VPS8: variants seen among roughly 807,000 people sequenced by gnomAD.
The protein encoded by VPS8 is VPS8 subunit of CORVET complex.
A neutral mutation model predicts 216.4 loss-of-function variants in VPS8; 129 were observed. The ratio of observed to expected loss-of-function variants is 0.60; its 90% CI spans 0.52 to 0.69. The LOEUF (loss-of-function observed/expected upper bound fraction) is 0.69. VPS8 is among the 30% of genes least tolerant of loss of function. The pLI, the probability that VPS8 is intolerant of heterozygous loss-of-function variation, is 0.00. For synonymous variants in VPS8, 571 were observed against 565.4 expected (o/e 1.01, Z -0.14); for missense variants, 1,531 against 1,683.5 (o/e 0.91, Z 1.59).
chr3:184,901,833 A>G (rs1041544623), intron 25 of VPS8, among the ~76,000 whole-genome samples: 7 of 152,058 alleles, frequency 4.6e-5, no homozygotes, highest in Admixed American at 1.3e-4. Flanking sequence ...TTGTATGGTA[A>G]ATATATATTT....
intron 36 of VPS8, among the ~76,000 whole-genome samples, chr3:184,953,202 A>C (rs1004681948): frequency 6.6e-6 from 1 of 152,192 alleles, no homozygotes; most frequent in South Asian, 2.1e-4. Flanking sequence ...CCAAGCAAGG[A>C]GAATTGGCAG....
chr3:184,882,266 G>A, intron 21 of VPS8: 1 of 398,142 alleles, frequency 2.5e-6, no homozygotes, highest in South Asian at 1.9e-5. Context: ...GTTTTTCTAA[G>A]AGGGTTTTCA....
chr3:184,934,916 A>G (rs1214438549), intron 34 of VPS8, among the ~76,000 whole-genome samples: 1 of 152,230 alleles, frequency 6.6e-6, no homozygotes, highest in Non-Finnish European at 1.5e-5. Flanking sequence ...GGTTTAGTTA[A>G]GGCTGGAATT....
At chr3:184,903,615 TA>T (rs530620639) in intron 25 of VPS8, among the ~76,000 whole-genome samples, 27 of 147,412 alleles carry the variant, frequency 1.8e-4, no homozygotes, top group South Asian at 2.1e-4. Context: ...CCTGCTGAAT[TA>T]AAAAAAAAAA....
At chr3:185,051,545 C>T (rs1031465684) in intron 47 of VPS8, among the ~76,000 whole-genome samples, 10 of 152,084 alleles carry the variant, frequency 6.6e-5, no homozygotes, top group African/African-American at 2.4e-4. Context: ...GGCAGCAGGG[C>T]CATCCACAGC....
chr3:184,990,804 T>C (rs1381029477), intron 42 of VPS8, among the ~76,000 whole-genome samples: 1 of 152,130 alleles, frequency 6.6e-6, no homozygotes, highest in African/African-American at 2.4e-5. Context: ...GCACAATTGC[T>C]CAGATGCAAA....
intron 25 of VPS8, among the ~76,000 whole-genome samples, chr3:184,913,308 A>G (rs576597128): frequency 2.6e-4 from 40 of 152,296 alleles, no homozygotes; most frequent in African/African-American, 8.9e-4. Context: ...TTCTACATCT[A>G]TCTTAGGGTA....
Position 184,855,828 on chromosome 3 carries a change from A to G in VPS8, c.1143+10A>G. On this transcript the variant is annotated intron_variant, in intron 14 of 47. Transcript: ENST00000625842. ...TGTTCATTTTCTATTGGTAAGTCCT[A>G]ATATGACCATTAGAAAGCCTCTTAC... is the stretch of plus-strand genomic sequence containing the variant. 1 of 1,585,344 alleles carries G rather than the reference A, an allele frequency of 6.3e-7. No individual in the cohort carries two copies. The highest frequency in any genetic ancestry group is 8.6e-7 in the Non-Finnish European group (1 of 1,166,606).
intron 37 of VPS8, among the ~76,000 whole-genome samples, chr3:184,959,396 T>C (rs1576986130): frequency 6.6e-6 from 1 of 152,206 alleles, no homozygotes; most frequent in East Asian, 1.9e-4. Flanking sequence ...TGAAAATAAC[T>C]ATATTGCCAT....
At position 184,844,191 on chromosome 3, in the gene VPS8, G is replaced by A. The variant is rs542399303; in HGVS notation, c.541+946G>A. On this transcript the variant is annotated intron_variant, in intron 8 of 47. Transcript: ENST00000625842. ...AATCCCAGCACTTTAGGTGGCCGAG[G>A]TGGGCAGATCACTTGAGGTCAGTAG... Among the ~76,000 whole-genome samples the A allele has an allele frequency of 1.1e-4, 16 of 152,318 alleles. No individual in the cohort carries two copies. In the East Asian group the frequency reaches 3.1e-3, roughly 29 times the overall value.
At chr3:184,983,338 A>G (rs1208443395) in intron 42 of VPS8, among the ~76,000 whole-genome samples, 2 of 152,156 alleles carry the variant, frequency 1.3e-5, no homozygotes, top group African/African-American at 4.8e-5. Context: ...CGGCCTTCAG[A>G]TATTCCCTGT....
rs549593468 is a variant in VPS8, at chr3:184,958,495, G to C, written c.3183+974G>C. On this transcript the variant is annotated intron_variant, in intron 37 of 47. Transcript: ENST00000625842. The stretch of plus-strand genomic sequence containing the variant: ...ATTTGTGTTTAAAGTATCTATAGTT[G>C]GGGTGGAAGTAGGAAATGGCAATCG... Among the ~76,000 whole-genome samples the C allele has an allele frequency of 8.5e-4, 130 of 152,288 alleles. No homozygotes were observed. In the Middle Eastern group the frequency reaches 0.01, roughly 12 times the overall value.
chr3:185,046,291 A>G, intron 46 of VPS8, among the ~76,000 whole-genome samples: 1 of 152,302 alleles, frequency 6.6e-6, no homozygotes, highest in East Asian at 1.9e-4. Context: ...GGAAACTGTT[A>G]CTTATCTTCA....
chr3:184,920,292 G>C, intron 29 of VPS8, 94 bp downstream of exon 29: 1 of 843,334 alleles, frequency 1.2e-6, no homozygotes. Context: ...CTTGTTAAGT[G>C]GTTTCTTGGA....
chr3:184,980,743 C>T (rs1256274148), intron 40 of VPS8, among the ~76,000 whole-genome samples: 1 of 152,152 alleles, frequency 6.6e-6, no homozygotes, highest in Admixed American at 6.5e-5. Context: ...TCCTAAGATT[C>T]ATTGGATTTG....
intron 22 of VPS8, among the ~76,000 whole-genome samples, chr3:184,894,111 C>G (rs1440163726): frequency 1.3e-5 from 2 of 152,028 alleles, no homozygotes; most frequent in Admixed American, 6.6e-5. Context: ...AAGGATTAAA[C>G]ATTTTTTTTC....
At chr3:184,843,277 G>A in intron 8 of VPS8, 32 bp downstream of exon 8, 1 of 1,379,788 alleles carries the variant, frequency 7.2e-7, no homozygotes, top group South Asian at 1.6e-5. Context: ...TGCATGAATG[G>A]TTTCTTTTGG....
At chr3:185,030,834 C>T (rs1758015109) in intron 46 of VPS8, among the ~76,000 whole-genome samples, 1 of 152,076 alleles carries the variant, frequency 6.6e-6, no homozygotes, top group East Asian at 1.9e-4. Flanking sequence ...ACAATCATAG[C>T]TTACTGCAGC....
Position 184,962,724 on chromosome 3 carries a change from A to AGTGTGTGTGT in VPS8, c.3184-1711_3184-1702dup, listed in dbSNP as rs10562348. On this transcript the variant is annotated intron_variant, in intron 37 of 47. Transcript: ENST00000625842. The stretch of plus-strand genomic sequence containing the variant: ...TTAGTTTACCATTCTTTAAGGCTTA[A>AGTGTGTGTGT]GTGTGTGTGTGTGTGTGTGTGTGTG... Among the ~76,000 whole-genome samples the AGTGTGTGTGT allele has an allele frequency of 2.9e-3, 416 of 145,898 alleles. 3 individuals carry two copies. The highest frequency in any genetic ancestry group is 0.01 in the African/African-American group (401 of 38,840).
Sources: allele counts gnomAD v4.1 joint callset (sites outside exome capture counted in the v4.1 genomes callset), GRCh38; gene constraint gnomAD v4.1.1; transcripts MANE v1.5; gene names NCBI Gene and HGNC (gene_info 2026-07-23, HGNC 2026-07-21).